Variants in PCDHGB5 observed in about 807,000 individuals in gnomAD.
PCDHGB5 encodes the protein protocadherin gamma subfamily B, 5.
Under a neutral mutation model 62.9 loss-of-function variants are expected in PCDHGB5, and 48 were observed. That is an observed-to-expected ratio of 0.76 (90% CI 0.61 to 0.97). The LOEUF is 0.97. PCDHGB5 is among the 50% of genes least tolerant of loss of function. PCDHGB5 has a pLI of 0.00. For missense variants in PCDHGB5, 1,118 were observed against 1,198.6 expected (o/e 0.93, Z 0.99); for synonymous variants, 474 against 511.2 (o/e 0.93, Z 0.98).
Position 141,399,737 on chromosome 5 carries a change from C to T in PCDHGB5, c.1610C>T (p.Ala537Val), listed in dbSNP as rs888467903. The T allele has an allele frequency of 2.5e-6, 4 of 1,613,296 alleles. No homozygotes were observed. In the South Asian group the frequency reaches 3.3e-5, roughly 13 times the overall value. The change falls in exon 1 of 4, where the codon GCG (alanine) becomes GTG (valine). Residue 537 changes from alanine to valine, a missense_variant. Physicochemically the swap from Ala to Val is moderately conservative, Grantham distance 64. Coordinates refer to ENST00000617380, the MANE Select transcript of PCDHGB5 (RefSeq NM_018925.3). Reference sequence around the variant, plus strand: ...CAGGCCCGCGACCAGGGCTCGCCTGCGCTCAGCGCAAACGTGAGCCTGCGC... The same window carrying T: ...CAGGCCCGCGACCAGGGCTCGCCTGTGCTCAGCGCAAACGTGAGCCTGCGC... ...TLQARDQGSP[A>V]LSANVSLRVL...
At chr5:141,436,764 A>G (rs1248797699) in intron 1 of PCDHGB5, among the ~76,000 whole-genome samples, 1 of 152,214 alleles carries the variant, frequency 6.6e-6, no homozygotes, top group East Asian at 1.9e-4. Flanking sequence ...GGTATAATGG[A>G]ATGATTTGTG....
chr5:141,405,533 C>T (rs2094681755), intron 1 of PCDHGB5: 2 of 648,174 alleles, frequency 3.1e-6, no homozygotes. Context: ...GATTCTCCTG[C>T]CTCAGCCTCC....
At position 141,490,162 on chromosome 5, in the gene PCDHGB5, A is replaced by G. The variant is rs1371128858; in HGVS notation, c.2398-4645A>G. The G allele has an allele frequency of 1.2e-6, 2 of 1,614,218 alleles. No individual in the cohort carries two copies. The highest frequency in any genetic ancestry group is 1.7e-6 in the Non-Finnish European group (2 of 1,180,028). ...TGGGGCAATCCATGTGTTGGGTCCCATAGACTTTGAGGAGTCACGTTTCTA... is the reference window on the plus strand; with the variant it reads ...TGGGGCAATCCATGTGTTGGGTCCCGTAGACTTTGAGGAGTCACGTTTCTA... On this transcript the variant is annotated intron_variant, in intron 1 of 3. Transcript: ENST00000617380. This position sits in a 1 kb window ranked among gnomAD's most constrained non-coding sequence, Gnocchi z 5.4.
intron 1 of PCDHGB5, among the ~76,000 whole-genome samples, chr5:141,438,211 A>G (rs767576436): frequency 7.8e-4 from 119 of 152,308 alleles, no homozygotes; most frequent in Admixed American, 2.3e-3. Context: ...CCATATGGGA[A>G]GGGCTCTGGT....
At chr5:141,478,460 C>G (rs759992881) in intron 1 of PCDHGB5, 1 of 1,613,344 alleles carries the variant, frequency 6.2e-7, no homozygotes, top group East Asian at 2.2e-5. Flanking sequence ...AGCCAGTCCA[C>G]TGGCCAGCCG....
intron 1 of PCDHGB5, chr5:141,409,566 C>T: frequency 2.5e-6 from 4 of 1,613,978 alleles, no homozygotes; most frequent in Middle Eastern, 1.6e-4. Context: ...TTCGACCAGA[C>T]GTCCTACGTG....
chr5:141,409,990 C>T (rs377295503), intron 1 of PCDHGB5: 1 of 1,613,160 alleles, frequency 6.2e-7, no homozygotes, highest in Non-Finnish European at 8.5e-7. Flanking sequence ...CGGTGGACGC[C>T]GACTCGGGAC....
At position 141,486,427 on chromosome 5, in the gene PCDHGB5, A is replaced by T. The variant is rs775958317; in HGVS notation, c.2398-8380A>T. ...CTGGACCCTTGGATCGAGAGGCCAAATCTAGCTATGACATCATGGTCACTG... is the reference window on the plus strand; with the variant it reads ...CTGGACCCTTGGATCGAGAGGCCAATTCTAGCTATGACATCATGGTCACTG... On this transcript the variant is annotated intron_variant, in intron 1 of 3. Transcript: ENST00000617380. The surrounding 1 kb of genome is among the most constrained non-coding windows in gnomAD (Gnocchi z 5.0). 17 of 1,614,042 alleles carry T rather than the reference A, an allele frequency of 1.1e-5. No homozygotes were observed. The Admixed American group carries it at 2.8e-4, about 27-fold the overall frequency.
In PCDHGB5 at chr5:141,443,329, A is replaced by AC. The variant is rs58846402; in HGVS notation, c.2397+42806dup. 1.9e-4 allele frequency among the ~76,000 whole-genome samples: 29 copies of AC among 151,590 alleles called. No individual in the cohort carries two copies. In the East Asian group the frequency reaches 4.3e-3, roughly 22 times the overall value. ...AAACCCATCTCTACAAAAAAAAAAA[A>AC]CAAAAATTAACAAGGTTTAGTGGTC... On this transcript the variant is annotated intron_variant, in intron 1 of 3. Coordinates refer to ENST00000617380, the MANE Select transcript of PCDHGB5 (RefSeq NM_018925.3).
In PCDHGB5 at chr5:141,431,059, C is replaced by G. The variant is rs367774626; in HGVS notation, c.2397+30535C>G. ...GGGAGGAGCTCTGTATGGGGGCCAT[C>G]AAGTGTCAATTAAATCTAGACATTC... On this transcript the variant is annotated intron_variant, in intron 1 of 3. Coordinates refer to ENST00000617380, the MANE Select transcript of PCDHGB5 (RefSeq NM_018925.3). This position sits in a 1 kb window ranked among gnomAD's most constrained non-coding sequence, Gnocchi z 4.8. 1 of 1,614,136 alleles carries G rather than the reference C, an allele frequency of 6.2e-7. No individual in the cohort carries two copies.
intron 1 of PCDHGB5, among the ~76,000 whole-genome samples, chr5:141,462,829 G>T (rs770335372): frequency 4.6e-5 from 7 of 152,130 alleles, no homozygotes; most frequent in Non-Finnish European, 8.8e-5. Flanking sequence ...AGCAGACATT[G>T]TAAATGTTAT....
intron 1 of PCDHGB5, chr5:141,421,412 A>T (rs375885183): frequency 4.3e-6 from 7 of 1,613,962 alleles, no homozygotes; most frequent in Non-Finnish European, 5.9e-6. Context: ...GAGCTGGCGA[A>T]GCGCGGAGTC....
rs749121255 is a variant in PCDHGB5 at position 141,415,427 on chromosome 5, G to A, written c.2397+14903G>A. 3.1e-6 allele frequency: 5 copies of A among 1,614,050 alleles called. No homozygotes were observed. Among genetic ancestry groups the A allele is most frequent in the African/African-American group, 1.3e-5 (1 of 74,926 alleles). ...CACTTTGTGGGCGTGGACGGGGTTC[G>A]GGCTTTCCTGCAGACCTATTCCCAC... is the stretch of plus-strand genomic sequence containing the variant. On this transcript the variant is annotated intron_variant, in intron 1 of 3. Transcript: ENST00000617380.
Position 141,510,977 on chromosome 5 carries a change from G to T in PCDHGB5, c.2576G>T (p.Gly859Val). 1.2e-6 allele frequency: 2 copies of T among 1,614,170 alleles called. No individual in the cohort carries two copies. Among genetic ancestry groups the T allele is most frequent in the Non-Finnish European group, 1.7e-6 (2 of 1,180,020 alleles). The change falls in exon 4 of 4, where the codon GGG becomes GTG. Residue 859 changes from glycine to valine, a missense_variant. Physicochemically the swap from Gly to Val is moderately radical, Grantham distance 109. Around this residue, in one of 2 missense-constraint regions of PCDHGB5, gnomAD observed 1,034 missense variants for 1,029.1 expected, o/e 1.00. Transcript: ENST00000617380. ...GCTGATGGGAGCTCCACCCTGGGAG[G>T]GGGTGCCGGCACCATGGGATTGAGC... ...EAADGSSTLG[G>V]GAGTMGLSAR...
intron 1 of PCDHGB5, chr5:141,415,452 C>G (rs2095870569): frequency 1.9e-6 from 3 of 1,614,122 alleles, no homozygotes; most frequent in Admixed American, 1.7e-5. Context: ...CCTATTCCCA[C>G]GAGGTCTCTC....
At chr5:141,423,049 C>T (rs1418805817) in intron 1 of PCDHGB5, 3 of 1,614,094 alleles carry the variant, frequency 1.9e-6, no homozygotes, top group East Asian at 2.2e-5. Flanking sequence ...GCTGTCCTAT[C>T]GCCTGCTTAA....
At chr5:141,454,471 A>C (rs774315258) in intron 1 of PCDHGB5, among the ~76,000 whole-genome samples, 7 of 152,198 alleles carry the variant, frequency 4.6e-5, no homozygotes, top group Non-Finnish European at 7.3e-5. Context: ...CAATGGCATG[A>C]TCTCAGCTCA....
chr5:141,439,445 G>T (rs1030957687), intron 1 of PCDHGB5, among the ~76,000 whole-genome samples: 1 of 152,102 alleles, frequency 6.6e-6, no homozygotes, highest in Non-Finnish European at 1.5e-5. Context: ...ATTTTATTGC[G>T]GGAGCAAGAC....
rs747268184 is a variant in PCDHGB5, at chr5:141,489,769, C to A, written c.2398-5038C>A. On this transcript the variant is annotated intron_variant, in intron 1 of 3. Coordinates refer to ENST00000617380, the MANE Select transcript of PCDHGB5 (RefSeq NM_018925.3). This position sits in a 1 kb window ranked among gnomAD's most constrained non-coding sequence, Gnocchi z 4.5. ...CTTTTACACTCTAAGCCCCAACAGC[C>A]ACTTCTCTCTGAATGTGAAGACCCT... The A allele has an allele frequency of 6.2e-7, 1 of 1,614,156 alleles. No individual in the cohort carries two copies. The highest frequency in any genetic ancestry group is 1.1e-5 in the South Asian group (1 of 91,080).
Sources: gnomAD v4.1 joint callset for allele counts (sites outside exome capture counted in the v4.1 genomes callset) on GRCh38, gnomAD v4.1.1 for gene constraint, gnomAD v4.1.1 regional missense constraint, Gnocchi (gnomAD v3.1) non-coding constraint, MANE v1.5 for transcripts, NCBI Gene and HGNC (gene_info 2026-07-23, HGNC 2026-07-21) for gene names.